PPFIBP2: variants seen among roughly 807,000 people sequenced by gnomAD.
PPFIBP2 encodes the protein PPFIB scaffold protein 2.
Under a neutral mutation model 118.3 loss-of-function variants are expected in PPFIBP2, and 118 were observed. That is an observed-to-expected ratio of 1.00 (90% CI 0.86 to 1.16). The LOEUF is 1.16. Ranked by LOEUF, PPFIBP2 falls within the 50% of genes most tolerant of loss-of-function variation. The pLI, the probability that PPFIBP2 is intolerant of heterozygous loss-of-function variation, is 0.00. For missense variants in PPFIBP2, 1,195 were observed against 1,073.1 expected (o/e 1.11, Z -1.59); for synonymous variants, 414 against 397.4 (o/e 1.04, Z -0.50).
chr11:7,610,757 C>A (rs149306410), intron 6 of PPFIBP2, among the ~76,000 whole-genome samples: 3 of 152,120 alleles, frequency 2.0e-5, no homozygotes, highest in Non-Finnish European at 2.9e-5. Flanking sequence ...GACGACGTAC[C>A]GGAATGAAGT....
At chr11:7,540,297 T>A (rs1308402401) in intron 1 of PPFIBP2, among the ~76,000 whole-genome samples, 1 of 152,060 alleles carries the variant, frequency 6.6e-6, no homozygotes, top group African/African-American at 2.4e-5. Context: ...AGGAAGCCAG[T>A]GCAGCCACTC....
chr11:7,525,008 T>C (rs1229021694), intron 1 of PPFIBP2, among the ~76,000 whole-genome samples: 1 of 152,242 alleles, frequency 6.6e-6, no homozygotes, highest in Non-Finnish European at 1.5e-5. Flanking sequence ...GGGTTTTCAC[T>C]GTGCCTGCTC....
chr11:7,530,543 G>A (rs58607958), intron 1 of PPFIBP2, among the ~76,000 whole-genome samples: 4,526 of 152,282 alleles, frequency 0.03, 214 homozygotes, highest in African/African-American at 0.1. Flanking sequence ...TCCACCATGT[G>A]AGGACATAGC....
chr11:7,603,941 T>G (rs75606873), intron 5 of PPFIBP2, among the ~76,000 whole-genome samples: 2,682 of 152,254 alleles, frequency 0.018, 78 homozygotes, highest in African/African-American at 0.06. Flanking sequence ...GTGAAGCCTT[T>G]GCCCCTTATC....
Position 7,649,611 on chromosome 11 carries a change from A to G in PPFIBP2, c.2078A>G (p.Asn693Ser). 2.5e-6 allele frequency: 4 copies of G among 1,614,272 alleles called. No homozygotes were observed. The highest frequency in any genetic ancestry group is 3.4e-6 in the Non-Finnish European group (4 of 1,180,048). Residue 693 changes from asparagine to serine, a missense_variant, in exon 21 of 24, where the codon AAC becomes AGC. Coordinates refer to ENST00000299492, the MANE Select transcript of PPFIBP2 (RefSeq NM_003621.5). ...TGTGCCATTCACGTGCTGCATGTCAACAAGTTCAACCCCCACTGCCTGCAC... is the reference window on the plus strand; with the variant it reads ...TGTGCCATTCACGTGCTGCATGTCAGCAAGTTCAACCCCCACTGCCTGCAC... The part of the protein sequence containing the change: ...IKCAIHVLHV[N>S]KFNPHCLHRR...
chr11:7,554,826 A>G (rs1590218632), intron 2 of PPFIBP2, among the ~76,000 whole-genome samples: 1 of 130,108 alleles, frequency 7.7e-6, no homozygotes, highest in African/African-American at 3.1e-5. Flanking sequence ...GATTGGGTCT[A>G]TACTAGATTG....
At chr11:7,617,181 A>T in intron 6 of PPFIBP2, 1 of 985,410 alleles carries the variant, frequency 1.0e-6, no homozygotes, top group Non-Finnish European at 1.2e-6. Flanking sequence ...CCACAGGCAG[A>T]TTCAAGAGCG....
chr11:7,602,736 T>C (rs1472671106), intron 5 of PPFIBP2, among the ~76,000 whole-genome samples: 5 of 152,342 alleles, frequency 3.3e-5, no homozygotes, highest in African/African-American at 1.2e-4. Flanking sequence ...TCTATTTCTA[T>C]CCTCCCTACC....
chr11:7,622,161 G>A (rs1265247963), intron 7 of PPFIBP2, among the ~76,000 whole-genome samples: 1 of 152,236 alleles, frequency 6.6e-6, no homozygotes, highest in Non-Finnish European at 1.5e-5. Context: ...TTCTAGTGAA[G>A]CCTCAGGGAG....
At chr11:7,652,606 C>T (rs886200460) in intron 23 of PPFIBP2, among the ~76,000 whole-genome samples, 5 of 152,208 alleles carry the variant, frequency 3.3e-5, no homozygotes, top group African/African-American at 1.2e-4. Context: ...CAACCTGGGG[C>T]TATCCTACGC....
intron 6 of PPFIBP2, 126 bp from the exon 7 acceptor site, chr11:7,620,809 G>A (rs958329807): frequency 4.2e-6 from 3 of 709,328 alleles, no homozygotes; most frequent in Non-Finnish European, 7.6e-6. Flanking sequence ...CGTGTTTAAA[G>A]ATTAAAGCTG....
At position 7,642,413 on chromosome 11, in the gene PPFIBP2, A is replaced by C. The variant is rs1413094143; in HGVS notation, c.1633A>C (p.Lys545Gln). 2 of 1,613,288 alleles carry C rather than the reference A, an allele frequency of 1.2e-6. No individual in the cohort carries two copies. Among genetic ancestry groups the C allele is most frequent in the Non-Finnish European group, 1.7e-6 (2 of 1,179,616 alleles). The change falls in exon 17 of 24, where the codon AAG becomes CAG. Residue 545 changes from lysine (K) to glutamine (Q), a missense_variant. Lys to Gln is a moderately conservative substitution (Grantham distance 53). Coordinates refer to ENST00000299492, the MANE Select transcript of PPFIBP2 (RefSeq NM_003621.5). ...GPRLSRTRDS[K>Q]GQKSDANAPF... The stretch of plus-strand genomic sequence containing the variant: ...AAGACTCTCTAGGACCAGGGACTCC[A>C]AGGGACAGAAAAGGTAAGGCTTGAC...
chr11:7,589,796 C>T (rs1858909111), intron 3 of PPFIBP2, among the ~76,000 whole-genome samples: 1 of 152,136 alleles, frequency 6.6e-6, no homozygotes, highest in Admixed American at 6.5e-5. Context: ...ACACCTCAAA[C>T]CTGGAATCAT....
chr11:7,578,329 G>C (rs764181778), intron 3 of PPFIBP2, among the ~76,000 whole-genome samples: 1 of 152,214 alleles, frequency 6.6e-6, no homozygotes, highest in Non-Finnish European at 1.5e-5. Context: ...ATTTTCACAC[G>C]AAGGGATTTT....
chr11:7,580,464 C>T lies in PPFIBP2; in HGVS notation c.280-12668C>T, dbSNP rs568812495. On this transcript the variant is annotated intron_variant, in intron 3 of 23. Transcript: ENST00000299492. ...GGTTCCTGGTGCCAGAGCAGGAGCCCTTGCCCTTTGAGCAGTCCAAGGTGG... is the reference window on the plus strand; with the variant it reads ...GGTTCCTGGTGCCAGAGCAGGAGCCTTTGCCCTTTGAGCAGTCCAAGGTGG... Among the ~76,000 whole-genome samples the T allele has an allele frequency of 1.8e-3, 273 of 152,300 alleles. 1 individual carries two copies. The highest frequency in any genetic ancestry group is 2.2e-3 in the Non-Finnish European group (147 of 68,038).
intron 6 of PPFIBP2, among the ~76,000 whole-genome samples, chr11:7,614,685 A>G (rs938348516): frequency 6.6e-6 from 1 of 152,238 alleles, no homozygotes; most frequent in Admixed American, 6.5e-5. Context: ...TAGAACATAG[A>G]GGTTATATTC....
At chr11:7,575,525 T>G (rs187709737) in intron 3 of PPFIBP2, among the ~76,000 whole-genome samples, 1 of 152,342 alleles carries the variant, frequency 6.6e-6, no homozygotes, top group East Asian at 1.9e-4. Flanking sequence ...TCCACCATCC[T>G]GTAGAGGCTG....
chr11:7,551,472 AT>A (rs1348093890), intron 2 of PPFIBP2, among the ~76,000 whole-genome samples: 11 of 147,992 alleles, frequency 7.4e-5, no homozygotes, highest in African/African-American at 2.4e-4. Context: ...TCATGGATTT[AT>A]TTTTTCTTTC....
intron 1 of PPFIBP2, among the ~76,000 whole-genome samples, chr11:7,527,655 G>C (rs141413634): frequency 7.8e-4 from 118 of 152,176 alleles, no homozygotes; most frequent in South Asian, 6.4e-3. Flanking sequence ...AAAGATGTTG[G>C]GGGGGCCTGG....
Sources: allele counts gnomAD v4.1 joint callset (sites outside exome capture counted in the v4.1 genomes callset), GRCh38; gene constraint gnomAD v4.1.1; transcripts MANE v1.5; gene names NCBI Gene and HGNC (gene_info 2026-07-23, HGNC 2026-07-21).